CAMSAP1: variants seen among roughly 807,000 people sequenced by gnomAD.
CAMSAP1 encodes calmodulin-regulated spectrin-associated protein 1.
In CAMSAP1, 58 loss-of-function variants were observed where a neutral mutation model predicts 143.5. That is an observed-to-expected ratio of 0.40 (90% CI 0.33 to 0.50). CAMSAP1 has a LOEUF of 0.50. CAMSAP1 is among the 20% of genes least tolerant of loss of function. The pLI, the probability that CAMSAP1 is intolerant of heterozygous loss-of-function variation, is 0.45. For missense variants in CAMSAP1, 1,969 were observed against 2,115.7 expected (o/e 0.93, Z 1.36); for synonymous variants, 945 against 859.3 (o/e 1.10, Z -1.74).
At chr9:135,817,170 A>AAGGCAT (rs1450104735) in intron 14 of CAMSAP1, among the ~76,000 whole-genome samples, 1 of 152,224 alleles carries the variant, frequency 6.6e-6, no homozygotes, top group Non-Finnish European at 1.5e-5. Flanking sequence ...TTTCAAGGCC[A>AAGGCAT]TTCATCGCCC....
intron 10 of CAMSAP1, 70 bp from the exon 11 acceptor site, chr9:135,823,330 G>T: frequency 6.7e-7 from 1 of 1,485,916 alleles, no homozygotes; most frequent in Non-Finnish European, 8.9e-7. Flanking sequence ...GGACCAGGGG[G>T]TGAGAATGCC....
rs183466563 is a variant in CAMSAP1 at position 135,820,185 on chromosome 9, C to T, written c.3822+654G>A. Among the ~76,000 whole-genome samples the T allele has an allele frequency of 2.0e-5, 3 of 152,308 alleles. No homozygotes were observed. Among genetic ancestry groups the T allele is most frequent in the African/African-American group, 7.2e-5 (3 of 41,566 alleles). ...GCACAGCACATTACTGTACCCAATA[C>T]TGTAAGTAACTGTGTATCAAAATCT... On this transcript the variant is annotated intron_variant, in intron 11 of 16. Coordinates refer to ENST00000389532, the MANE Select transcript of CAMSAP1 (RefSeq NM_015447.4). The surrounding 1 kb of genome is among the most constrained non-coding windows in gnomAD (Gnocchi z 4.4).
At chr9:135,839,201 C>T (rs1379886021) in intron 7 of CAMSAP1, among the ~76,000 whole-genome samples, 1 of 152,218 alleles carries the variant, frequency 6.6e-6, no homozygotes, top group Non-Finnish European at 1.5e-5. Flanking sequence ...TTCTTCTCTC[C>T]CTGCCTCCCT....
intron 3 of CAMSAP1, 58 bp from the exon 4 acceptor site, chr9:135,866,594 C>A: frequency 1.2e-6 from 1 of 806,036 alleles, no homozygotes; most frequent in South Asian, 1.5e-5. Context: ...AATTGTATCT[C>A]CACAATTATC....
chr9:135,811,735 C>T lies in CAMSAP1; in HGVS notation c.4507-124G>A, dbSNP rs118073343. 8.5e-5 allele frequency: 73 copies of T among 856,908 alleles called. No individual in the cohort carries two copies. The highest frequency in any genetic ancestry group is 3.9e-4 in the African/African-American group (23 of 59,096). 53.1% of individuals were successfully genotyped at this position (856,908 alleles called of 1,614,324 possible). ...GGGAAGCTCTCCCACCCGTCAGCTA[C>T]GGCCTGCCTGTTGTAAACAATTACA... is the stretch of plus-strand genomic sequence containing the variant. On this transcript the variant is annotated intron_variant, in intron 16 of 16. Transcript: ENST00000389532. This position sits in a 1 kb window ranked among gnomAD's most constrained non-coding sequence, Gnocchi z 4.9.
At chr9:135,815,342 A>T in intron 15 of CAMSAP1, 127 bp from the exon 16 acceptor site, 1 of 512,176 alleles carries the variant, frequency 2.0e-6, no homozygotes, top group Middle Eastern at 2.8e-4. Context: ...ATGATTATTT[A>T]AAAATGGGAA....
intron 8 of CAMSAP1, 133 bp from the exon 9 acceptor site, chr9:135,825,013 A>G: frequency 1.4e-6 from 1 of 728,876 alleles, no homozygotes; most frequent in African/African-American, 1.8e-5. Flanking sequence ...TGGGAAAAAA[A>G]TGACAATAAA....
At chr9:135,829,850 C>CATAAATAAATAAATAA (rs10625345) in intron 7 of CAMSAP1, among the ~76,000 whole-genome samples, 86 of 142,782 alleles carry the variant, frequency 6.0e-4, no homozygotes, top group Middle Eastern at 6.9e-3. Flanking sequence ...GAGACTCTGT[C>CATAAATAAATAAATAA]ATAAATAAAT....
chr9:135,852,600 AC>A (rs1031983278), intron 5 of CAMSAP1, among the ~76,000 whole-genome samples: 2 of 152,090 alleles, frequency 1.3e-5, no homozygotes, highest in Non-Finnish European at 2.9e-5. Flanking sequence ...CGGTGAGGCC[AC>A]CCCAAAGGCA....
chr9:135,880,335 G>C (rs1385783028), intron 3 of CAMSAP1, among the ~76,000 whole-genome samples: 3 of 152,094 alleles, frequency 2.0e-5, no homozygotes, highest in African/African-American at 7.2e-5. Flanking sequence ...ACCACCAAGA[G>C]GCGTCCTCAT....
intron 8 of CAMSAP1, among the ~76,000 whole-genome samples, chr9:135,825,844 C>A (rs1008117204): frequency 5.3e-5 from 8 of 152,164 alleles, no homozygotes; most frequent in African/African-American, 1.9e-4. Flanking sequence ...GCAGAGGACA[C>A]CAGAGTCAGG....
At chr9:135,906,364 C>T (rs922161531) in intron 1 of CAMSAP1, among the ~76,000 whole-genome samples, 1 of 152,250 alleles carries the variant, frequency 6.6e-6, no homozygotes, top group Non-Finnish European at 1.5e-5. Flanking sequence ...ACGAGAATCA[C>T]TAGGTCTGTC....
chr9:135,821,632 G>A lies in CAMSAP1; in HGVS notation c.3029C>T (p.Thr1010Ile). The change falls in exon 11 of 17, where the codon ACT becomes ATT. Residue 1010 changes from threonine (T) to isoleucine (I), a missense_variant. Around this residue, in one of 4 missense-constraint regions of CAMSAP1, gnomAD observed 1,390 missense variants for 1,420.8 expected, o/e 0.98. Coordinates refer to ENST00000389532, the MANE Select transcript of CAMSAP1 (RefSeq NM_015447.4). This position sits in a 1 kb window ranked among gnomAD's most constrained non-coding sequence, Gnocchi z 4.6. Reference protein sequence around the residue: ...KVISAALLEDTVGEVVDVNEC... With the variant: ...KVISAALLEDIVGEVVDVNEC... ...ATTCACGTCGACAACCTCCCCAACA[G>A]TGTCCTCCAGGAGGGCAGCGGAGAT... 1.2e-6 allele frequency: 2 copies of A among 1,614,040 alleles called. No homozygotes were observed. The highest frequency in any genetic ancestry group is 1.7e-6 in the Non-Finnish European group (2 of 1,179,904).
chr9:135,843,553 A>G (rs1264984466), intron 7 of CAMSAP1, among the ~76,000 whole-genome samples: 1 of 152,054 alleles, frequency 6.6e-6, no homozygotes, highest in Non-Finnish European at 1.5e-5. Context: ...GAAGGGCATT[A>G]CATAATGGTA....
intron 7 of CAMSAP1, among the ~76,000 whole-genome samples, chr9:135,847,699 G>A (rs931698598): frequency 6.8e-6 from 1 of 148,124 alleles, no homozygotes; most frequent in South Asian, 2.2e-4. Context: ...ACACCTGTCG[G>A]GGGGTGGGAG....
At position 135,824,281 on chromosome 9, in the gene CAMSAP1, C is replaced by A. The variant is rs970594841; in HGVS notation, c.1316-247G>T. 2.6e-5 allele frequency among the ~76,000 whole-genome samples: 4 copies of A among 152,190 alleles called. No homozygotes were observed. The highest frequency in any genetic ancestry group is 9.7e-5 in the African/African-American group (4 of 41,442). ...TCGCAGTTACTCTGTGTCTACTACA[C>A]AGAAGGTAATTGCTCTCAACGATAT... is the stretch of plus-strand genomic sequence containing the variant. On this transcript the variant is annotated intron_variant, in intron 9 of 16. Transcript: ENST00000389532. This position sits in a 1 kb window ranked among gnomAD's most constrained non-coding sequence, Gnocchi z 4.1.
At chr9:135,813,513 AT>A (rs1000752787) in intron 16 of CAMSAP1, among the ~76,000 whole-genome samples, 3 of 152,238 alleles carry the variant, frequency 2.0e-5, no homozygotes, top group Non-Finnish European at 2.9e-5. Flanking sequence ...GAAACATTTA[AT>A]TTGTAGCGAC....
At chr9:135,867,477 C>CCCCCCT (rs762998180) in intron 3 of CAMSAP1, among the ~76,000 whole-genome samples, 4 of 139,522 alleles carry the variant, frequency 2.9e-5, no homozygotes, top group African/African-American at 1.1e-4. Context: ...AGACCCCCCT[C>CCCCCCT]TTTTTTTTTT....
In CAMSAP1 at chr9:135,821,875, G is replaced by C. The variant is rs775302454; in HGVS notation, c.2786C>G (p.Pro929Arg). ...VKKGKAEAAPPLRPEHFAKEY... is the reference protein window; with the variant it reads ...VKKGKAEAAPRLRPEHFAKEY... ...CTTTGCAAAGTGCTCCGGCCTGAGG[G>C]GTGGGGCAGCCTCGGCCTTGCCCTT... Residue 929 changes from proline (P) to arginine (R), a missense_variant, in exon 11 of 17, where the codon CCC (proline) becomes CGC (arginine). Transcript: ENST00000389532. The surrounding 1 kb of genome is among the most constrained non-coding windows in gnomAD (Gnocchi z 4.6). 1.9e-6 allele frequency: 3 copies of C among 1,613,902 alleles called. No homozygotes were observed. In the African/African-American group the frequency reaches 4.0e-5, roughly 22 times the overall value.
Sources: gnomAD v4.1 joint callset for allele counts (sites outside exome capture counted in the v4.1 genomes callset) on GRCh38, gnomAD v4.1.1 for gene constraint, gnomAD v4.1.1 regional missense constraint, Gnocchi (gnomAD v3.1) non-coding constraint, MANE v1.5 for transcripts, NCBI Gene and HGNC (gene_info 2026-07-23, HGNC 2026-07-21) for gene names.